SELENOF: variants seen among roughly 807,000 people sequenced by gnomAD.
SELENOF encodes 15 kDa selenoprotein.
A neutral mutation model predicts 20.5 loss-of-function variants in SELENOF; 16 were observed. The ratio of observed to expected loss-of-function variants is 0.78; its 90% CI spans 0.53 to 1.19. SELENOF has a LOEUF of 1.19. Ranked by LOEUF, SELENOF falls within the 50% of genes most tolerant of loss-of-function variation. The pLI is 0.00. For synonymous variants in SELENOF, 78 were observed against 74.5 expected, an observed-to-expected ratio of 1.05 and a Z score of -0.24; for missense variants, 215 against 194.2, an observed-to-expected ratio of 1.11 and a Z score of -0.64.
intron 2 of SELENOF, 119 bp from the exon 3 acceptor site, chr1:86,880,844 T>C: frequency 1.7e-6 from 1 of 595,998 alleles, no homozygotes; most frequent in Non-Finnish European, 2.7e-6. Context: ...ATCAAAGAAA[T>C]GTCAAAGCTG....
Position 86,868,107 on chromosome 1 carries a change from T to C in SELENOF, c.317-5A>G, listed in dbSNP as rs943442599. On this transcript the variant is annotated splice_polypyrimidine_tract_variant and splice_region_variant and intron_variant, in intron 3 of 4. Coordinates refer to ENST00000331835, the MANE Select transcript of SELENOF (RefSeq NM_004261.5). ...GTTTATCACTCCTAACAAAAGCTTA[T>C]AAAAAAAGAAAAAAAGATTCAGTAG... The C allele has an allele frequency of 8.9e-6, 13 of 1,454,110 alleles. No homozygotes were observed. In the African/African-American group the frequency reaches 1.7e-4, roughly 19 times the overall value. 90.1% of individuals were successfully genotyped at this position (1,454,110 alleles called of 1,614,324 possible).
intron 3 of SELENOF, among the ~76,000 whole-genome samples, chr1:86,868,476 A>G (rs1658670477): frequency 2.0e-5 from 3 of 152,220 alleles, no homozygotes; most frequent in Admixed American, 2.0e-4. Flanking sequence ...CAGAACAGAT[A>G]AAAGAATAGA....
At chr1:86,901,899 G>T (rs940269789) in intron 2 of SELENOF, among the ~76,000 whole-genome samples, 4 of 152,176 alleles carry the variant, frequency 2.6e-5, no homozygotes, top group South Asian at 2.1e-4. Flanking sequence ...ATCACAAGGG[G>T]GTGTGTGTGG....
chr1:86,875,976 G>A (rs1309709933), intron 3 of SELENOF, among the ~76,000 whole-genome samples: 2 of 151,876 alleles, frequency 1.3e-5, no homozygotes, highest in Admixed American at 6.6e-5. Flanking sequence ...GGCGGGTCTT[G>A]TATTTGATTT....
chr1:86,873,201 G>A (rs1171602955), intron 3 of SELENOF, among the ~76,000 whole-genome samples: 5 of 151,800 alleles, frequency 3.3e-5, no homozygotes, highest in Admixed American at 2.0e-4. Context: ...AGGTTGCAGT[G>A]AGCCGAGATC....
rs60764775 is a variant in SELENOF at position 86,869,708 on chromosome 1, T to TTTCC, written c.317-1610_317-1607dup. On this transcript the variant is annotated intron_variant, in intron 3 of 4. Coordinates refer to ENST00000331835, the MANE Select transcript of SELENOF (RefSeq NM_004261.5). Reference sequence around the variant, plus strand: ...GTGTGTAATACATCTTTCTTTCTTCTTTCCTTCCTTCCTTCCTTCTTTCTT... The same window carrying TTTCC: ...GTGTGTAATACATCTTTCTTTCTTCTTTCCTTCCTTCCTTCCTTCCTTCTTTCTT... Among the ~76,000 whole-genome samples the TTTCC allele has an allele frequency of 5.4e-4, 82 of 152,034 alleles. No individual in the cohort carries two copies. The South Asian group carries it at 0.013, about 23-fold the overall frequency.
intron 2 of SELENOF, among the ~76,000 whole-genome samples, chr1:86,888,958 A>C (rs2102101347): frequency 6.6e-6 from 1 of 152,386 alleles, no homozygotes; most frequent in South Asian, 2.1e-4. Flanking sequence ...TCTTTAAGAA[A>C]GATTATAAAT....
At chr1:86,882,131 C>T (rs532250126) in intron 2 of SELENOF, among the ~76,000 whole-genome samples, 1 of 150,980 alleles carries the variant, frequency 6.6e-6, no homozygotes, top group African/African-American at 2.4e-5. Context: ...ACTCGTGGGG[C>T]TGAGGCAGAA....
At chr1:86,907,355 T>C (rs939279113) in intron 1 of SELENOF, among the ~76,000 whole-genome samples, 8 of 152,312 alleles carry the variant, frequency 5.3e-5, no homozygotes, top group African/African-American at 1.9e-4. Flanking sequence ...AAGATAAGTA[T>C]AGGGGAGATA....
At chr1:86,879,655 T>A (rs957018150) in intron 3 of SELENOF, among the ~76,000 whole-genome samples, 3 of 152,198 alleles carry the variant, frequency 2.0e-5, no homozygotes, top group African/African-American at 7.2e-5. Flanking sequence ...AATTGAATAC[T>A]TATGTATTTC....
At chr1:86,909,112 A>AT (rs1335854782) in intron 1 of SELENOF, among the ~76,000 whole-genome samples, 1 of 152,228 alleles carries the variant, frequency 6.6e-6, no homozygotes, top group Non-Finnish European at 1.5e-5. Context: ...GTGTCAAGAA[A>AT]TTGTTCCCTC....
intron 2 of SELENOF, among the ~76,000 whole-genome samples, chr1:86,890,887 T>A (rs1402852047): frequency 6.6e-6 from 1 of 152,252 alleles, no homozygotes; most frequent in Admixed American, 6.5e-5. Flanking sequence ...CTATAGCTCA[T>A]GAGATACCAG....
At chr1:86,873,641 G>A (rs769442871) in intron 3 of SELENOF, among the ~76,000 whole-genome samples, 4 of 151,878 alleles carry the variant, frequency 2.6e-5, no homozygotes, top group Non-Finnish European at 4.4e-5. Context: ...ACCTGAGGTC[G>A]AGAGTTCGAG....
At chr1:86,867,473 C>A (rs1658630658) in intron 4 of SELENOF, among the ~76,000 whole-genome samples, 1 of 150,470 alleles carries the variant, frequency 6.6e-6, no homozygotes, top group African/African-American at 2.5e-5. Flanking sequence ...GCCTGGGCAA[C>A]AGAGCAAGAC....
chr1:86,895,015 T>C (rs1211249377), intron 2 of SELENOF, among the ~76,000 whole-genome samples: 3 of 152,228 alleles, frequency 2.0e-5, no homozygotes, highest in African/African-American at 4.8e-5. Context: ...GGAAAATTTG[T>C]AGTATTTTCC....
intron 2 of SELENOF, among the ~76,000 whole-genome samples, chr1:86,884,338 C>CACAT (rs1301403327): frequency 5.9e-5 from 8 of 135,612 alleles, no homozygotes; most frequent in East Asian, 5.9e-4. Context: ...TTAGCGGGCG[C>CACAT]ACATACATAC....
At chr1:86,875,991 T>C (rs1334122955) in intron 3 of SELENOF, among the ~76,000 whole-genome samples, 2 of 151,840 alleles carry the variant, frequency 1.3e-5, no homozygotes, top group African/African-American at 4.8e-5. Flanking sequence ...TGATTTTGTA[T>C]GTGACAGAGA....
intron 2 of SELENOF, among the ~76,000 whole-genome samples, chr1:86,896,623 C>T (rs1659533743): frequency 6.6e-6 from 1 of 152,176 alleles, no homozygotes; most frequent in African/African-American, 2.4e-5. Flanking sequence ...AAATTGGAAT[C>T]ACTAAAAAGT....
chr1:86,872,111 A>C (rs1658786392), intron 3 of SELENOF, among the ~76,000 whole-genome samples: 1 of 152,228 alleles, frequency 6.6e-6, no homozygotes, highest in Non-Finnish European at 1.5e-5. Flanking sequence ...ATAATTTTAC[A>C]AAAGAAAGGG....
Sources: gnomAD v4.1 joint callset for allele counts (sites outside exome capture counted in the v4.1 genomes callset) on GRCh38, gnomAD v4.1.1 for gene constraint, MANE v1.5 for transcripts, NCBI Gene and HGNC (gene_info 2026-07-23, HGNC 2026-07-21) for gene names.